Variants in VPS29 observed in about 807,000 individuals in gnomAD.
VPS29 encodes vacuolar protein sorting-associated protein 29.
VPS29 carries 2 observed loss-of-function variants against 20.0 expected under a neutral mutation model. The ratio of observed to expected loss-of-function variants is 0.10; its 90% CI spans 0.04 to 0.31. The LOEUF (loss-of-function observed/expected upper bound fraction) is 0.31, where lower values mean the gene tolerates loss of function less well. Among genes scored for constraint, VPS29 ranks in the 10% least tolerant of loss-of-function variants. The probability of loss-of-function intolerance (pLI) is 1.00; values close to 1 mark genes in which losing one functional copy is unlikely to be tolerated. For missense variants in VPS29, 120 were observed against 215.3 expected (o/e 0.56, Z 2.77); for synonymous variants, 81 against 79.3 (o/e 1.02, Z -0.12).
chr12:110,493,284 T>TA, intron 2 of VPS29, 53 bp from the exon 3 acceptor site: 1 of 1,302,792 alleles, frequency 7.7e-7, no homozygotes. Context: ...TACTGATGTT[T>TA]AAAAAAATCA....
At chr12:110,497,207 C>CTTTTTTTTT (rs71083128) in intron 1 of VPS29, among the ~76,000 whole-genome samples, 2 of 77,214 alleles carry the variant, frequency 2.6e-5, no homozygotes, top group African/African-American at 5.2e-5. Flanking sequence ...AAATTTCTTT[C>CTTTTTTTTT]TTTTTTTTTT....
At chr12:110,499,723 T>TAA (rs560893173) in intron 1 of VPS29, among the ~76,000 whole-genome samples, 2 of 151,814 alleles carry the variant, frequency 1.3e-5, no homozygotes, top group Non-Finnish European at 2.9e-5. Flanking sequence ...AAGAAAATGT[T>TAA]AAAAATCAGC....
chr12:110,492,599 T>TTTATTTTA (rs1478773535), intron 3 of VPS29, among the ~76,000 whole-genome samples: 1 of 132,344 alleles, frequency 7.6e-6, no homozygotes, highest in Non-Finnish European at 1.6e-5. Context: ...TTTATTTTTA[T>TTTATTTTA]TTTATTTATT....
chr12:110,501,990 C>A (rs761402557), intron 1 of VPS29, 59 bp downstream of exon 1: 3 of 1,613,030 alleles, frequency 1.9e-6, no homozygotes, highest in Admixed American at 3.3e-5. Context: ...CCACGGCTCC[C>A]AACAACGCAG....
At position 110,491,349 on chromosome 12, in the gene VPS29, A is replaced by C. The variant is rs915875719; in HGVS notation, c.*656T>G. On this transcript the variant is annotated 3_prime_UTR_variant, in exon 4 of 4. Transcript: ENST00000549578. Reference sequence around the variant, plus strand: ...TGCCTCAGCCTCCCAAAGTGTTGGGATTAGGGTGTGAGCCACTGTGCCCGG... The same window carrying C: ...TGCCTCAGCCTCCCAAAGTGTTGGGCTTAGGGTGTGAGCCACTGTGCCCGG... The C allele has an allele frequency of 1.3e-5, 2 of 152,338 alleles. No homozygotes were observed. Among genetic ancestry groups the C allele is most frequent in the African/African-American group, 4.8e-5 (2 of 41,458 alleles). The allele number at this position is 152,338 out of a possible 1,614,324, so 9.4% of individuals were successfully genotyped here. A position where few individuals can be genotyped will look rare whatever the true frequency, so the allele number is the denominator to read the frequency against.
intron 2 of VPS29, among the ~76,000 whole-genome samples, chr12:110,494,224 A>G (rs2062862399): frequency 6.6e-6 from 1 of 151,436 alleles, no homozygotes; most frequent in South Asian, 2.1e-4. Flanking sequence ...TGAAAATCTT[A>G]TATTCCCAGA....
In VPS29 at chr12:110,496,213, G is replaced by T. The variant is rs749085147; in HGVS notation, c.4-10C>A. The T allele has an allele frequency of 1.9e-6, 3 of 1,591,630 alleles. No individual in the cohort carries two copies. The Admixed American group carries it at 5.0e-5, about 27-fold the overall frequency. On this transcript the variant is annotated splice_polypyrimidine_tract_variant and intron_variant, in intron 1 of 3. Transcript: ENST00000549578. ...CTAATACCAACACCAACTTTAAAGT[G>T]TCAAGGTGAGATAAAGCATAATGTT...
intron 3 of VPS29, 111 bp from the exon 4 acceptor site, chr12:110,492,233 G>T: frequency 2.4e-6 from 2 of 848,434 alleles, no homozygotes; most frequent in South Asian, 3.1e-5. Flanking sequence ...CATATCACAT[G>T]AACAGTTACC....
At chr12:110,499,651 AAG>A (rs1565863908) in intron 1 of VPS29, 3 of 840,992 alleles carry the variant, frequency 3.6e-6, no homozygotes, top group African/African-American at 1.7e-5. Context: ...AAAAAAAAAA[AAG>A]AGAACAAAAA....
chr12:110,492,086 C>T lies in VPS29; in HGVS notation c.468G>A (p.Gln156=). The stretch of plus-strand genomic sequence containing the variant: ...ACACATAGGTGACCACTGTAGAAGC[C>T]TGGATATCCATCAACACAAATGATG... ...IIPSFVLMDI[Q]ASTVVTYVYQ... is the part of the protein sequence containing the mutation. The change falls in exon 4 of 4, where the codon CAG becomes CAA. Residue 156 remains glutamine (Q), a synonymous_variant. Transcript: ENST00000549578. 1 of 1,613,476 alleles carries T rather than the reference C, an allele frequency of 6.2e-7. No homozygotes were observed. The highest frequency in any genetic ancestry group is 8.5e-7 in the Non-Finnish European group (1 of 1,179,842).
intron 3 of VPS29, 129 bp downstream of exon 3, chr12:110,492,867 G>T: frequency 1.2e-6 from 1 of 813,796 alleles, no homozygotes; most frequent in Non-Finnish European, 1.9e-6. Flanking sequence ...CAAGCAACCT[G>T]CCCTGGTCTC....
intron 2 of VPS29, among the ~76,000 whole-genome samples, chr12:110,495,767 C>A (rs1431298885): frequency 6.6e-6 from 1 of 151,834 alleles, no homozygotes; most frequent in Non-Finnish European, 1.5e-5. Context: ...AAAACAGTAA[C>A]AAAGCCACTT....
chr12:110,492,897 G>A, intron 3 of VPS29, 99 bp downstream of exon 3: 1 of 1,099,232 alleles, frequency 9.1e-7, no homozygotes, highest in South Asian at 1.6e-5. Flanking sequence ...TGGTATTACA[G>A]GCATGAGCCA....
Position 110,491,641 on chromosome 12 carries a change from T to G in VPS29, c.*364A>C. The G allele has an allele frequency of 5.9e-6, 1 of 168,462 alleles. No individual in the cohort carries two copies. Among genetic ancestry groups the G allele is most frequent in the Non-Finnish European group, 1.3e-5 (1 of 78,810 alleles). 10.4% of individuals were successfully genotyped at this position (168,462 alleles called of 1,614,324 possible). ...TCAAAGTATAAATGAAAGGTAATTGTTTATTACTGGAGAAGAGAAAAATGT... is the reference window on the plus strand; with the variant it reads ...TCAAAGTATAAATGAAAGGTAATTGGTTATTACTGGAGAAGAGAAAAATGT... On this transcript the variant is annotated 3_prime_UTR_variant, in exon 4 of 4. Transcript: ENST00000549578.
chr12:110,498,919 A>G (rs1037204087), intron 1 of VPS29: 6 of 779,652 alleles, frequency 7.7e-6, no homozygotes, highest in Non-Finnish European at 9.3e-6. Flanking sequence ...AAAGGTAAAA[A>G]TAATAGATTT....
chr12:110,498,738 C>T (rs770437520), intron 1 of VPS29: 3 of 597,282 alleles, frequency 5.0e-6, no homozygotes, highest in African/African-American at 2.0e-5. Flanking sequence ...TGTTTCAATG[C>T]AGATCTCAGT....
intron 1 of VPS29, chr12:110,501,449 C>A: frequency 6.5e-7 from 1 of 1,535,490 alleles, no homozygotes; most frequent in Non-Finnish European, 8.7e-7. Flanking sequence ...TGGAAAGAAA[C>A]AGTTCCAGCA....
chr12:110,496,082 G>C lies in VPS29; in HGVS notation c.125C>G (p.Thr42Ser). ...CTTGAGATAGTCATAACTCTCTTTGGTGCAAAGGTTTCCTGTGCAGAGAAT... is the reference window on the plus strand; with the variant it reads ...CTTGAGATAGTCATAACTCTCTTTGCTGCAAAGGTTTCCTGTGCAGAGAAT... Reference protein sequence around the residue: ...QHILCTGNLCTKESYDYLKTL... With the variant: ...QHILCTGNLCSKESYDYLKTL... The change falls in exon 2 of 4, where the codon ACC becomes AGC. Residue 42 changes from threonine to serine, a missense_variant. Transcript: ENST00000549578. 6.2e-7 allele frequency: 1 copy of C among 1,613,752 alleles called. No homozygotes were observed. The highest frequency in any genetic ancestry group is 8.5e-7 in the Non-Finnish European group (1 of 1,179,744).
chr12:110,499,219 A>G, intron 1 of VPS29: 1 of 271,676 alleles, frequency 3.7e-6, no homozygotes, highest in Non-Finnish European at 7.1e-6. Flanking sequence ...CCTTACTAGG[A>G]CAGAATCCTC....
Sources: gnomAD v4.1 joint callset for allele counts (sites outside exome capture counted in the v4.1 genomes callset) on GRCh38, gnomAD v4.1.1 for gene constraint, MANE v1.5 for transcripts, NCBI Gene and HGNC (gene_info 2026-07-23, HGNC 2026-07-21) for gene names.